TTBK2: variants seen among roughly 807,000 people sequenced by gnomAD.
TTBK2 encodes tau-tubulin kinase 2.
In TTBK2, 28 loss-of-function variants were observed where a neutral mutation model predicts 110.8. The observed-to-expected ratio is 0.25, with a 90% CI of 0.19 to 0.35. The LOEUF (loss-of-function observed/expected upper bound fraction) is 0.35. TTBK2 is among the 10% of genes least tolerant of loss of function. The probability of loss-of-function intolerance (pLI) is 1.00; values close to 1 mark genes in which losing one functional copy is unlikely to be tolerated. For missense variants in TTBK2, 1,369 were observed against 1,500.3 expected (o/e 0.91, Z 1.45); for synonymous variants, 532 against 527.3 (o/e 1.01, Z -0.12).
At chr15:42,896,115 G>C (rs1895656709) in intron 1 of TTBK2, among the ~76,000 whole-genome samples, 1 of 151,840 alleles carries the variant, frequency 6.6e-6, no homozygotes, top group African/African-American at 2.4e-5. Flanking sequence ...GATAACCTGA[G>C]GTGAGGAGTT....
intron 11 of TTBK2, among the ~76,000 whole-genome samples, chr15:42,777,467 A>C (rs961071110): frequency 5.3e-5 from 8 of 152,230 alleles, no homozygotes; most frequent in Non-Finnish European, 1.2e-4. Flanking sequence ...TTTTTAAAAT[A>C]CTTTTGGCAC....
chr15:42,761,929 C>A (rs540348403), intron 13 of TTBK2, among the ~76,000 whole-genome samples: 1 of 152,166 alleles, frequency 6.6e-6, no homozygotes, highest in South Asian at 2.1e-4. Flanking sequence ...TGGGAGGTAA[C>A]TGAATCATGG....
intron 14 of TTBK2, among the ~76,000 whole-genome samples, chr15:42,749,846 C>A (rs1192014000): frequency 6.6e-6 from 1 of 152,112 alleles, no homozygotes; most frequent in African/African-American, 2.4e-5. Flanking sequence ...AAAGTACAGG[C>A]TTAGAAAAGG....
chr15:42,765,400 A>C (rs1889313422), intron 13 of TTBK2, among the ~76,000 whole-genome samples: 1 of 152,236 alleles, frequency 6.6e-6, no homozygotes, highest in African/African-American at 2.4e-5. Flanking sequence ...TAACTAGAAT[A>C]AACAGCGTAG....
intron 10 of TTBK2, among the ~76,000 whole-genome samples, chr15:42,793,270 C>T (rs556585854): frequency 2.4e-4 from 36 of 152,278 alleles, no homozygotes; most frequent in Non-Finnish European, 4.6e-4. Context: ...GATTCTGGGT[C>T]TAGTCAGGGT....
chr15:42,820,700 CAAA>C (rs376951443), intron 6 of TTBK2, among the ~76,000 whole-genome samples: 1 of 140,888 alleles, frequency 7.1e-6, no homozygotes, highest in African/African-American at 2.6e-5. Context: ...TCTGAAGCTG[CAAA>C]AAAAAAAAGG....
chr15:42,916,725 T>C (rs992009599), intron 1 of TTBK2, among the ~76,000 whole-genome samples: 5 of 152,144 alleles, frequency 3.3e-5, no homozygotes, highest in African/African-American at 1.2e-4. Flanking sequence ...ATCTATAATA[T>C]ATAACGTGGA....
rs1321843157 is a variant in TTBK2, at chr15:42,816,081, AATAAATATATATATATATATATATAT to A, written c.603+925_603+950del. ...AAATATATATATATAAAAATAAATA[AATAAATATATATATATATATATATAT>A]ATATATATATATGTGTATATTTTTT... On this transcript the variant is annotated intron_variant, in intron 7 of 14. Transcript: ENST00000267890. Among the ~76,000 whole-genome samples, 20 of 60,298 alleles carry A rather than the reference AATAAATATATATATATATATATATAT, an allele frequency of 3.3e-4. 1 individual carries two copies. The South Asian group carries it at 3.5e-3, about 10-fold the overall frequency. 39.6% of individuals were successfully genotyped at this position (60,298 alleles called of 152,430 possible). A position where few individuals can be genotyped will look rare whatever the true frequency, so the allele number is the denominator to read the frequency against.
intron 1 of TTBK2, among the ~76,000 whole-genome samples, chr15:42,909,756 T>C (rs1297497910): frequency 1.3e-5 from 2 of 152,010 alleles, no homozygotes; most frequent in Non-Finnish European, 1.5e-5. Flanking sequence ...AGTCCAAAAA[T>C]AAGCAAAACT....
intron 14 of TTBK2, among the ~76,000 whole-genome samples, chr15:42,748,418 C>T (rs577556926): frequency 6.6e-6 from 1 of 152,112 alleles, no homozygotes; most frequent in African/African-American, 2.4e-5. Flanking sequence ...GATCGCACCA[C>T]TGCACTCCTG....
intron 9 of TTBK2, chr15:42,798,159 T>C (rs1303404914): frequency 1.8e-5 from 8 of 453,814 alleles, no homozygotes; most frequent in Non-Finnish European, 4.4e-6. Flanking sequence ...GCTGGGATTA[T>C]AGGCATGAGA....
chr15:42,812,515 A>C (rs1891766538), intron 7 of TTBK2, among the ~76,000 whole-genome samples: 1 of 152,128 alleles, frequency 6.6e-6, no homozygotes, highest in African/African-American at 2.4e-5. Context: ...GACAGAAGCA[A>C]ATTTATCCTC....
intron 9 of TTBK2, among the ~76,000 whole-genome samples, chr15:42,799,975 C>A (rs1257636473): frequency 6.6e-6 from 1 of 152,004 alleles, no homozygotes; most frequent in Non-Finnish European, 1.5e-5. Flanking sequence ...GTGTACACTT[C>A]TGGTCTCAAC....
At chr15:42,748,926 C>T (rs564758534) in intron 14 of TTBK2, among the ~76,000 whole-genome samples, 1 of 152,176 alleles carries the variant, frequency 6.6e-6, no homozygotes, top group African/African-American at 2.4e-5. Context: ...TCATTATAAT[C>T]AAGATAAACA....
rs558836276 is a variant in TTBK2, at chr15:42,752,977, T to C, written c.2269A>G (p.Lys757Glu). ...ESNKSQDLGP[K>E]ELPDHNRLVV... is the part of the protein sequence containing the mutation. ...AGTCTATTATGATCAGGAAGTTCTT[T>C]TGGTCCCAGGTCTTGAGATTTGTTA... Residue 757 changes from lysine to glutamate, a missense_variant, in exon 14 of 15, where the codon AAA (lysine) becomes GAA (glutamate). Lys to Glu is a moderately conservative substitution (Grantham distance 56, BLOSUM62 1). Coordinates refer to ENST00000267890, the MANE Select transcript of TTBK2 (RefSeq NM_173500.4). 4.3e-6 allele frequency: 7 copies of C among 1,614,244 alleles called. No homozygotes were observed. The African/African-American group carries it at 5.3e-5, about 12-fold the overall frequency.
chr15:42,907,557 C>T (rs533825410), intron 1 of TTBK2, among the ~76,000 whole-genome samples: 47 of 151,974 alleles, frequency 3.1e-4, no homozygotes, highest in Non-Finnish European at 6.5e-4. Context: ...TGAAATAAGC[C>T]AAGTACAGAA....
chr15:42,763,149 T>TATATACAC (rs1567008719), intron 13 of TTBK2, among the ~76,000 whole-genome samples: 76 of 60,442 alleles, frequency 1.3e-3, no homozygotes, highest in Middle Eastern at 6.6e-3. Flanking sequence ...CATACATATA[T>TATATACAC]ATATATACAT....
chr15:42,763,508 C>A (rs1007808515), intron 13 of TTBK2, among the ~76,000 whole-genome samples: 1 of 151,676 alleles, frequency 6.6e-6, no homozygotes, highest in Non-Finnish European at 1.5e-5. Context: ...GCCACTGCGT[C>A]TGGCCCAATA....
At chr15:42,903,736 G>A (rs2030208134) in intron 1 of TTBK2, among the ~76,000 whole-genome samples, 1 of 152,166 alleles carries the variant, frequency 6.6e-6, no homozygotes, top group African/African-American at 2.4e-5. Flanking sequence ...TTTCCCTTAA[G>A]TGTGGGCTGT....
Sources: allele counts gnomAD v4.1 joint callset (sites outside exome capture counted in the v4.1 genomes callset), GRCh38; gene constraint gnomAD v4.1.1; transcripts MANE v1.5; gene names NCBI Gene and HGNC (gene_info 2026-07-23, HGNC 2026-07-21).